The following DNAJC25 variants were observed in gnomAD, a reference collection of about 807,000 sequenced individuals.
The protein encoded by DNAJC25 is DnaJ heat shock protein family (Hsp40) member C25.
A neutral mutation model predicts 42.1 loss-of-function variants in DNAJC25; 26 were observed. That is an observed-to-expected ratio of 0.62 (90% confidence interval 0.45 to 0.86). The LOEUF (loss-of-function observed/expected upper bound fraction) is 0.86. Among genes scored for constraint, DNAJC25 ranks in the 40% least tolerant of loss-of-function variants. The pLI is 0.00. For missense variants in DNAJC25, 404 were observed against 459.4 expected (o/e 0.88, Z 1.10); for synonymous variants, 189 against 179.9 (o/e 1.05, Z -0.40).
chr9:111,647,722 G>C (rs1328434024), intron 2 of DNAJC25, among the ~76,000 whole-genome samples: 1 of 152,202 alleles, frequency 6.6e-6, no homozygotes, highest in Non-Finnish European at 1.5e-5. Flanking sequence ...CCCTTTAAGG[G>C]TGCTTCTGCT....
chr9:111,639,897 GCTCTCC>G (rs796321552), intron 1 of DNAJC25, among the ~76,000 whole-genome samples: 31,542 of 131,496 alleles, frequency 0.24, 3,810 homozygotes, highest in East Asian at 0.41. Context: ...GCAAGGAGGA[GCTCTCC>G]CTCTCCCTCT....
chr9:111,641,717 G>A (rs1367221790), intron 1 of DNAJC25, among the ~76,000 whole-genome samples: 3 of 129,774 alleles, frequency 2.3e-5, no homozygotes, highest in African/African-American at 9.8e-5. Context: ...CACCCCGTCC[G>A]GGAGGTGAGG....
intron 1 of DNAJC25, among the ~76,000 whole-genome samples, chr9:111,644,966 A>G (rs903348754): frequency 1.1e-4 from 16 of 152,188 alleles, no homozygotes; most frequent in African/African-American, 2.9e-4. Context: ...ATGATGACTT[A>G]AAGAAGGAGT....
At chr9:111,638,328 A>T (rs1830395028) in intron 1 of DNAJC25, among the ~76,000 whole-genome samples, 1 of 152,248 alleles carries the variant, frequency 6.6e-6, no homozygotes, top group South Asian at 2.1e-4. Context: ...CTACCAAGCA[A>T]TAATGTGTTG....
At chr9:111,641,128 G>A (rs1166195657) in intron 1 of DNAJC25, among the ~76,000 whole-genome samples, 150 of 108,688 alleles carry the variant, frequency 1.4e-3, no homozygotes, top group Admixed American at 2.3e-3. Flanking sequence ...GAGGGAGATG[G>A]GGGGGTCAGC....
At chr9:111,632,617 G>A (rs1239365475) in intron 1 of DNAJC25, among the ~76,000 whole-genome samples, 1 of 151,804 alleles carries the variant, frequency 6.6e-6, no homozygotes. Flanking sequence ...CTTGATGGTG[G>A]TATTACTGCT....
At chr9:111,652,353 A>G (rs1830673765) in intron 3 of DNAJC25, among the ~76,000 whole-genome samples, 3 of 151,046 alleles carry the variant, frequency 2.0e-5, no homozygotes, top group Non-Finnish European at 3.0e-5. Flanking sequence ...GTCCTAAAAA[A>G]AAAAATACAA....
At chr9:111,644,715 T>C (rs1050330075) in intron 1 of DNAJC25, among the ~76,000 whole-genome samples, 2 of 152,156 alleles carry the variant, frequency 1.3e-5, no homozygotes, top group Non-Finnish European at 2.9e-5. Context: ...CTTGAAGAAA[T>C]ACGTTTCAAA....
rs115747307 is a variant in DNAJC25, at chr9:111,646,769, T to G, written c.337-338T>G. On this transcript the variant is annotated intron_variant, in intron 1 of 3. Transcript: ENST00000313525. ...ACAAGAAATAAGCATTAAAAAAAAA[T>G]CAACAGTTAAGAGTAGTTGTGAACA... Among the ~76,000 whole-genome samples, 513 of 152,192 alleles carry G rather than the reference T, an allele frequency of 3.4e-3. 1 individual carries two copies. The highest frequency in any genetic ancestry group is 0.014 in the Middle Eastern group (4 of 294).
At chr9:111,644,577 A>C (rs1289601314) in intron 1 of DNAJC25, among the ~76,000 whole-genome samples, 2 of 152,200 alleles carry the variant, frequency 1.3e-5, no homozygotes, top group Non-Finnish European at 2.9e-5. Context: ...ATATACTTCA[A>C]CCAGGAGGAG....
chr9:111,635,345 A>G (rs918690324), intron 1 of DNAJC25, among the ~76,000 whole-genome samples: 4 of 152,214 alleles, frequency 2.6e-5, no homozygotes, highest in African/African-American at 9.6e-5. Flanking sequence ...GATAGAATGG[A>G]AATGGAAAGT....
chr9:111,631,345 G>A lies in DNAJC25; in HGVS notation c.-63G>A, dbSNP rs970169262. ...GTGTAGCTGGGGCCAGACGGGACTA[G>A]CCGGGCGCGCGGCTGAGTGCTGCAG... On this transcript the variant is annotated 5_prime_UTR_variant, in exon 1 of 4. Coordinates refer to ENST00000313525, the MANE Select transcript of DNAJC25 (RefSeq NM_001015882.3). The A allele has an allele frequency of 8.0e-6, 10 of 1,253,682 alleles. No homozygotes were observed. The highest frequency in any genetic ancestry group is 9.0e-6 in the Non-Finnish European group (9 of 1,002,594). 77.7% of individuals were successfully genotyped at this position (1,253,682 alleles called of 1,614,324 possible). A position where few individuals can be genotyped will look rare whatever the true frequency, so the allele number is the denominator to read the frequency against.
chr9:111,631,385 C>T lies in DNAJC25; in HGVS notation c.-23C>T. On this transcript the variant is annotated 5_prime_UTR_variant, in exon 1 of 4. Transcript: ENST00000313525. ...GAGTGCTGCAGAATCGCTGGGGTGGCAGAGCCGCCAGCGAGGCTGGGGATG... is the reference window on the plus strand; with the variant it reads ...GAGTGCTGCAGAATCGCTGGGGTGGTAGAGCCGCCAGCGAGGCTGGGGATG... 2 of 1,273,432 alleles carry T rather than the reference C, an allele frequency of 1.6e-6. No individual in the cohort carries two copies. Among genetic ancestry groups the T allele is most frequent in the Non-Finnish European group, 2.0e-6 (2 of 1,013,882 alleles). The allele number at this position is 1,273,432 out of a possible 1,614,324, so 78.9% of individuals were successfully genotyped here.
intron 3 of DNAJC25, among the ~76,000 whole-genome samples, chr9:111,651,487 C>T (rs1012930811): frequency 6.6e-6 from 1 of 152,098 alleles, no homozygotes; most frequent in Non-Finnish European, 1.5e-5. Flanking sequence ...TTAGTCTTTA[C>T]TTCCTAATAT....
At chr9:111,652,734 C>G (rs925438278) in intron 3 of DNAJC25, among the ~76,000 whole-genome samples, 2 of 151,022 alleles carry the variant, frequency 1.3e-5, no homozygotes, top group South Asian at 4.2e-4. Context: ...TTAGGAGAGA[C>G]GGGGGTTTCA....
chr9:111,631,757 G>T lies in DNAJC25; in HGVS notation c.336+14G>T, dbSNP rs751768552. The stretch of plus-strand genomic sequence containing the variant: ...GAGACACTCAAGGTGAGGCCTGCGG[G>T]CGTGGAGGGGCTTCGAAGACTGGCC... On this transcript the variant is annotated intron_variant, in intron 1 of 3. Transcript: ENST00000313525. 1 of 1,502,682 alleles carries T rather than the reference G, an allele frequency of 6.7e-7. No homozygotes were observed. The highest frequency in any genetic ancestry group is 1.5e-5 in the African/African-American group (1 of 68,466). 93.1% of individuals were successfully genotyped at this position (1,502,682 alleles called of 1,614,324 possible). A position where few individuals can be genotyped will look rare whatever the true frequency, so the allele number is the denominator to read the frequency against.
chr9:111,633,309 T>A (rs1406975393), intron 1 of DNAJC25, among the ~76,000 whole-genome samples: 1 of 152,102 alleles, frequency 6.6e-6, no homozygotes, highest in East Asian at 1.9e-4. Context: ...GGTAATAAGG[T>A]TGTGGTGCTT....
intron 2 of DNAJC25, among the ~76,000 whole-genome samples, chr9:111,647,925 C>T (rs10817205): frequency 0.27 from 41,530 of 151,656 alleles, 6,206 homozygotes; most frequent in East Asian, 0.44. Context: ...ACTACAGGCG[C>T]GCACCACCAC....
At chr9:111,633,194 G>C (rs1473683033) in intron 1 of DNAJC25, among the ~76,000 whole-genome samples, 2 of 152,184 alleles carry the variant, frequency 1.3e-5, no homozygotes, top group Non-Finnish European at 2.9e-5. Context: ...TGGTGCGTGA[G>C]GGAGCCCTGG....
Sources: gnomAD v4.1 joint callset for allele counts (sites outside exome capture counted in the v4.1 genomes callset) on GRCh38, gnomAD v4.1.1 for gene constraint, MANE v1.5 for transcripts, NCBI Gene and HGNC (gene_info 2026-07-23, HGNC 2026-07-21) for gene names.